IL16: variants seen among roughly 807,000 people sequenced by gnomAD.
IL16 encodes interleukin 16, also known as pro-interleukin-16.
Under a neutral mutation model 110.1 loss-of-function variants are expected in IL16, and 67 were observed. The ratio of observed to expected loss-of-function variants is 0.61; its 90% CI spans 0.50 to 0.75. IL16 has a LOEUF of 0.75. Among genes scored for constraint, IL16 ranks in the 30% least tolerant of loss-of-function variants. The pLI is 0.00. For missense variants in IL16, 1,545 were observed against 1,655.0 expected (o/e 0.93, Z 1.15); for synonymous variants, 689 against 662.9 (o/e 1.04, Z -0.61).
At chr15:81,191,237 C>G (rs959737568) in intron 1 of IL16, among the ~76,000 whole-genome samples, 14 of 152,330 alleles carry the variant, frequency 9.2e-5, no homozygotes, top group Middle Eastern at 3.4e-3. Flanking sequence ...GAACTAAACT[C>G]TCTTCCCTTG....
In IL16 at chr15:81,300,003, C is replaced by T. The variant is rs764248496; in HGVS notation, c.2677C>T (p.Pro893Ser). Residue 893 changes from proline (P) to serine (S), a missense_variant, in exon 14 of 19, where the codon CCC becomes TCC. This residue lies in a region of IL16 where 1,185 missense variants were observed against 1,238.8 expected (regional missense o/e 0.96). Transcript: ENST00000683961. ...FSGLLGRGAA[P>S]TLVPQQPEQV... ...TGGACTCTTGGGGCGAGGGGCTGCA[C>T]CCACTCTTGTGCCCCAGCAGCCTGA... is the stretch of plus-strand genomic sequence containing the variant. 2 of 1,587,266 alleles carry T rather than the reference C, an allele frequency of 1.3e-6. No homozygotes were observed. The highest frequency in any genetic ancestry group is 1.1e-5 in the South Asian group (1 of 87,444).
At chr15:81,273,251 A>T in intron 6 of IL16, 47 bp downstream of exon 6, 1 of 1,344,876 alleles carries the variant, frequency 7.4e-7, no homozygotes, top group Non-Finnish European at 1.0e-6. Context: ...AATCAGAAGC[A>T]GAATCCAGAA....
chr15:81,202,523 T>A (rs1895857880), intron 1 of IL16, among the ~76,000 whole-genome samples: 1 of 141,246 alleles, frequency 7.1e-6, no homozygotes, highest in Non-Finnish European at 1.5e-5. Context: ...CCCCTTCCTG[T>A]GTCCATGTGT....
chr15:81,307,906 A>G (rs1172527366), intron 18 of IL16, among the ~76,000 whole-genome samples: 1 of 152,234 alleles, frequency 6.6e-6, no homozygotes, highest in Non-Finnish European at 1.5e-5. Context: ...CATTAGCACA[A>G]CGCCTGTTAA....
At chr15:81,201,468 C>G (rs1011431187) in intron 1 of IL16, among the ~76,000 whole-genome samples, 17 of 152,288 alleles carry the variant, frequency 1.1e-4, no homozygotes, top group African/African-American at 4.1e-4. Context: ...TGGCCCTGCC[C>G]TTAGTTCTCC....
chr15:81,301,398 T>A lies in IL16; in HGVS notation c.3204T>A (p.Asp1068Glu). 1 of 1,614,072 alleles carries A rather than the reference T, an allele frequency of 6.2e-7. No individual in the cohort carries two copies. The highest frequency in any genetic ancestry group is 8.5e-7 in the Non-Finnish European group (1 of 1,179,970). The change falls in exon 15 of 19, where the codon GAT (aspartate) becomes GAA (glutamate). Residue 1068 changes from aspartate (D) to glutamate (E), a missense_variant. This residue lies in a region of IL16 where 356 missense variants were observed against 399.3 expected (regional missense o/e 0.89). Coordinates refer to ENST00000683961, the MANE Select transcript of IL16 (RefSeq NM_172217.5). ...TEGLTEAKED[D>E]DGDHSSLQSG... ...GTCTCACGGAAGCCAAGGAAGACGA[T>A]GATGGGGACCACAGTTCCCTTCAGT...
intron 13 of IL16, among the ~76,000 whole-genome samples, chr15:81,297,535 C>T (rs969390641): frequency 6.6e-6 from 1 of 152,142 alleles, no homozygotes; most frequent in African/African-American, 2.4e-5. Flanking sequence ...AGGGTGTGTC[C>T]ACATGGTACA....
At chr15:81,275,619 C>G (rs1898876617) in intron 6 of IL16, among the ~76,000 whole-genome samples, 1 of 152,060 alleles carries the variant, frequency 6.6e-6, no homozygotes, top group South Asian at 2.1e-4. Flanking sequence ...GAATGTAAGC[C>G]TGCCCAAGCC....
At chr15:81,270,416 C>T (rs1898579886) in intron 5 of IL16, among the ~76,000 whole-genome samples, 1 of 152,128 alleles carries the variant, frequency 6.6e-6, no homozygotes, top group African/African-American at 2.4e-5. Flanking sequence ...GACCTAATTG[C>T]TACTTATGGT....
chr15:81,285,596 A>G (rs1596033464), intron 9 of IL16, 102 bp from the exon 10 acceptor site: 1 of 1,262,374 alleles, frequency 7.9e-7, no homozygotes, highest in East Asian at 2.4e-5. Flanking sequence ...TGATTTTTAT[A>G]TCTCATCAAA....
At chr15:81,259,930 G>GGA in intron 3 of IL16, 50 bp downstream of exon 3, 1 of 1,160,984 alleles carries the variant, frequency 8.6e-7, no homozygotes, top group South Asian at 1.2e-5. Flanking sequence ...GCTGTTCCTG[G>GGA]ATAGCAGGAC....
At chr15:81,195,381 C>T (rs1199220117), upstream of IL16, among the ~76,000 whole-genome samples, 2 of 152,104 alleles carry the variant, frequency 1.3e-5, no homozygotes, top group Admixed American at 6.5e-5. Flanking sequence ...CTGGCCCCAC[C>T]GCACCCAGGC....
At chr15:81,266,525 T>C (rs529727301) in intron 4 of IL16, among the ~76,000 whole-genome samples, 19 of 152,308 alleles carry the variant, frequency 1.2e-4, no homozygotes, top group African/African-American at 4.6e-4. Context: ...CAGTGTACCC[T>C]ACACACGTCC....
intron 18 of IL16, among the ~76,000 whole-genome samples, chr15:81,307,709 C>T (rs546443464): frequency 1.6e-4 from 25 of 152,288 alleles, no homozygotes; most frequent in African/African-American, 6.0e-4. Context: ...ATGAGACTGC[C>T]AGCTGCAGGG....
At chr15:81,289,116 G>A (rs1179452855) in intron 10 of IL16, among the ~76,000 whole-genome samples, 4 of 152,036 alleles carry the variant, frequency 2.6e-5, no homozygotes, top group African/African-American at 4.8e-5. Context: ...CAAGGGTCCC[G>A]ATTTCTCCAT....
intron 2 of IL16, among the ~76,000 whole-genome samples, chr15:81,232,433 C>CATT (rs1191948662): frequency 6.6e-6 from 1 of 152,066 alleles, no homozygotes; most frequent in Non-Finnish European, 1.5e-5. Context: ...GGGAAAGTTT[C>CATT]ATTATTATTA....
Position 81,269,518 on chromosome 15 carries a change from A to C in IL16, c.565-20A>C. On this transcript the variant is annotated intron_variant, in intron 4 of 18. Transcript: ENST00000683961. ...GTCCTATGTGGCTAATCTTCTGCCT[A>C]CTCTGGTTCCTTGTTGCAGGGAACT... The C allele has an allele frequency of 6.4e-7, 1 of 1,565,974 alleles. No individual in the cohort carries two copies. The highest frequency in any genetic ancestry group is 1.7e-4 in the Middle Eastern group (1 of 5,962).
At chr15:81,186,737 A>G (rs1895424787) in intron 1 of IL16, among the ~76,000 whole-genome samples, 1 of 152,248 alleles carries the variant, frequency 6.6e-6, no homozygotes, top group African/African-American at 2.4e-5. Context: ...AGATTCTACA[A>G]ATAACATTTT....
chr15:81,208,860 A>C (rs1330997060), intron 1 of IL16, among the ~76,000 whole-genome samples: 1 of 152,182 alleles, frequency 6.6e-6, no homozygotes, highest in Non-Finnish European at 1.5e-5. Context: ...GTGTAATCCC[A>C]GACAATCCAC....
Sources: gnomAD v4.1 joint callset for allele counts (sites outside exome capture counted in the v4.1 genomes callset) on GRCh38, gnomAD v4.1.1 for gene constraint, gnomAD v4.1.1 regional missense constraint, MANE v1.5 for transcripts, NCBI Gene and HGNC (gene_info 2026-07-23, HGNC 2026-07-21) for gene names.